Variants in THOP1 observed in about 807,000 individuals in gnomAD.
THOP1 encodes the protein thimet oligopeptidase.
In THOP1, 49 loss-of-function variants were observed where a neutral mutation model predicts 71.8. The ratio of observed to expected loss-of-function variants is 0.68; its 90% confidence interval spans 0.54 to 0.87. The LOEUF (loss-of-function observed/expected upper bound fraction) is 0.87. THOP1 is among the 40% of genes least tolerant of loss of function. The pLI is 0.00. For synonymous variants in THOP1, 426 were observed against 421.5 expected (o/e 1.01, Z -0.13); for missense variants, 843 against 975.6 (o/e 0.86, Z 1.81).
rs1315465324 is a variant in THOP1 at position 2,804,526 on chromosome 19, C to G, written c.590-490C>G. The stretch of plus-strand genomic sequence containing the variant: ...CCTCTCCACGTGGGGCCTCCCTCTC[C>G]GCCCAGGGCCCAGCGTGCTCAGCTC... On this transcript the variant is annotated intron_variant, in intron 5 of 12. Transcript: ENST00000307741. The surrounding 1 kb of genome is among the most constrained non-coding windows in gnomAD (Gnocchi z 4.7). The G allele has an allele frequency of 6.5e-6, 1 of 154,122 alleles. No individual in the cohort carries two copies. Among genetic ancestry groups the G allele is most frequent in the Admixed American group, 6.5e-5 (1 of 15,456 alleles). 9.5% of individuals were successfully genotyped at this position (154,122 alleles called of 1,614,324 possible). A position where few individuals can be genotyped will look rare whatever the true frequency, so the allele number is the denominator to read the frequency against.
chr19:2,805,168 T>A lies in THOP1; in HGVS notation c.742T>A (p.Cys248Ser), dbSNP rs574104983. 1 of 1,611,652 alleles carries A rather than the reference T, an allele frequency of 6.2e-7. No homozygotes were observed. The highest frequency in any genetic ancestry group is 2.2e-5 in the East Asian group (1 of 44,850). ...AGTGGAGGAGGCCTTCAACTGCCGG[T>A]GCAAGGAGGTGAGAAGGCACGGCCA... ...RKVEEAFNCR[C>S]KEENCAILKE... The change falls in exon 6 of 13, where the codon TGC (cysteine) becomes AGC (serine). Residue 248 changes from cysteine (C) to serine (S), a missense_variant. Transcript: ENST00000307741. The surrounding 1 kb of genome is among the most constrained non-coding windows in gnomAD (Gnocchi z 6.6).
chr19:2,810,571 G>A, intron 10 of THOP1, 69 bp from the exon 11 acceptor site: 1 of 1,526,916 alleles, frequency 6.5e-7, no homozygotes, highest in South Asian at 1.2e-5. Flanking sequence ...CCCGGGTGGG[G>A]GTCGGAGCTC....
chr19:2,785,706 G>C, intron 1 of THOP1, 28 bp downstream of exon 1: 1 of 1,430,972 alleles, frequency 7.0e-7, no homozygotes, highest in South Asian at 1.6e-5. Context: ...CGCCGGACCC[G>C]GGCGTCCCCT....
In THOP1 at chr19:2,807,653, G is replaced by T. The variant is rs1022377947; in HGVS notation, c.1098G>T (p.Thr366=). ...AGTACTTCCCCGTGCAGGTGGTCAC[G>T]CACGGGCTGCTGGGCATCTACCAGG... ...LKEYFPVQVV[T]HGLLGIYQEL... Residue 366 remains threonine (T), a synonymous_variant, in exon 8 of 13, where the codon ACG becomes ACT. Transcript: ENST00000307741. 3 of 1,608,984 alleles carry T rather than the reference G, an allele frequency of 1.9e-6. No homozygotes were observed. The highest frequency in any genetic ancestry group is 2.7e-5 in the African/African-American group (2 of 74,858).
intron 4 of THOP1, 131 bp from the exon 5 acceptor site, chr19:2,799,558 G>T: frequency 1.4e-6 from 1 of 689,862 alleles, no homozygotes; most frequent in South Asian, 1.7e-5. Context: ...TTCCTCCTCG[G>T]TTGCCTCTTC....
At chr19:2,802,539 A>ACACCTTCCGACACCCC (rs1916179405) in intron 5 of THOP1, among the ~76,000 whole-genome samples, 1 of 76,888 alleles carries the variant, frequency 1.3e-5, no homozygotes, top group African/African-American at 5.6e-5. Flanking sequence ...CCCGACACCA[A>ACACCTTCCGACACCCC]CACCTCCCGA....
Position 2,799,825 on chromosome 19 carries a change from C to T in THOP1, c.589+34C>T, listed in dbSNP as rs202065240. 1.6e-5 allele frequency: 25 copies of T among 1,581,578 alleles called. No homozygotes were observed. The African/African-American group carries it at 1.8e-4, about 11-fold the overall frequency. ...CGAGCAGTGGGGCACGGGTGGCCAT[C>T]GGTCCTGGGACTCAGTGCAGGCCTG... On this transcript the variant is annotated intron_variant, in intron 5 of 12. Coordinates refer to ENST00000307741, the MANE Select transcript of THOP1 (RefSeq NM_003249.5).
At chr19:2,795,624 C>T (rs774865852) in intron 3 of THOP1, among the ~76,000 whole-genome samples, 1 of 152,224 alleles carries the variant, frequency 6.6e-6, no homozygotes, top group Non-Finnish European at 1.5e-5. Flanking sequence ...CAACGTTGCC[C>T]ACGCTTGTCT....
chr19:2,811,703 G>A lies in THOP1; in HGVS notation c.1877G>A (p.Arg626His), dbSNP rs372729243. 5.6e-6 allele frequency: 9 copies of A among 1,613,278 alleles called. No homozygotes were observed. The highest frequency in any genetic ancestry group is 3.3e-5 in the Admixed American group (2 of 59,980). ...EVYSMDMFHT[R>H]FKQEGVLNSK... ...TATTCCATGGACATGTTCCACACGC[G>A]CTTCAAGCAGGAGGGTGTCCTGAAC... The change falls in exon 12 of 13, where the codon CGC becomes CAC. Residue 626 changes from arginine (R) to histidine (H), a missense_variant. Coordinates refer to ENST00000307741, the MANE Select transcript of THOP1 (RefSeq NM_003249.5).
intron 5 of THOP1, among the ~76,000 whole-genome samples, chr19:2,803,621 A>G (rs151305293): frequency 1.3e-5 from 2 of 152,220 alleles, no homozygotes; most frequent in East Asian, 3.9e-4. Context: ...CACTGTCGAG[A>G]TGGAGAGCTG....
chr19:2,790,719 G>A (rs1037746671), intron 2 of THOP1, 86 bp downstream of exon 2: 21 of 1,284,978 alleles, frequency 1.6e-5, no homozygotes, highest in East Asian at 2.6e-5. Flanking sequence ...CCGTGGAGCC[G>A]GTTCAGAACC....
At chr19:2,795,981 C>T in intron 3 of THOP1, 100 bp from the exon 4 acceptor site, 1 of 861,444 alleles carries the variant, frequency 1.2e-6, no homozygotes, top group Non-Finnish European at 1.9e-6. Context: ...TGCCAAGTCA[C>T]ACGGGGGCCG....
In THOP1 at chr19:2,804,234, C is replaced by A. The variant is rs574896384; in HGVS notation, c.590-782C>A. ...AGGGTTTCAGTCCGGGATGCTGCCG[C>A]CCCCACTTCTCTTGAGGCTGTCGGG... On this transcript the variant is annotated intron_variant, in intron 5 of 12. Coordinates refer to ENST00000307741, the MANE Select transcript of THOP1 (RefSeq NM_003249.5). The surrounding 1 kb of genome is among the most constrained non-coding windows in gnomAD (Gnocchi z 4.7). Among the ~76,000 whole-genome samples, 2 of 152,336 alleles carry A rather than the reference C, an allele frequency of 1.3e-5. No homozygotes were observed. Among genetic ancestry groups the A allele is most frequent in the South Asian group, 4.1e-4 (2 of 4,826 alleles).
Position 2,808,449 on chromosome 19 carries a change from G to T in THOP1, c.1455+5G>T, listed in dbSNP as rs1300721390. 6 of 1,592,714 alleles carry T rather than the reference G, an allele frequency of 3.8e-6. No homozygotes were observed. Among genetic ancestry groups the T allele is most frequent in the Admixed American group, 1.7e-5 (1 of 58,938 alleles). On this transcript the variant is annotated splice_donor_5th_base_variant and intron_variant, in intron 9 of 12. Transcript: ENST00000307741. ...ATGCACCAGCTCTGCTCCCAGGTGG[G>T]TGCGGGCCCGGGCAGGGGCAGGGGC...
chr19:2,805,280 C>G lies in THOP1; in HGVS notation c.750+104C>G. 3 of 1,344,590 alleles carry G rather than the reference C, an allele frequency of 2.2e-6. No individual in the cohort carries two copies. The highest frequency in any genetic ancestry group is 3.0e-6 in the Non-Finnish European group (3 of 1,003,994). The allele number at this position is 1,344,590 out of a possible 1,614,324, so 83.3% of individuals were successfully genotyped here. A position where few individuals can be genotyped will look rare whatever the true frequency, so the allele number is the denominator to read the frequency against. On this transcript the variant is annotated intron_variant, in intron 6 of 12. Transcript: ENST00000307741. The surrounding 1 kb of genome is among the most constrained non-coding windows in gnomAD (Gnocchi z 6.6). ...ACCTCCAGGCTTTGCACTTGGATGGCCTCCCAATCTCCCTGGCCAGGCCCA... is the reference window on the plus strand; with the variant it reads ...ACCTCCAGGCTTTGCACTTGGATGGGCTCCCAATCTCCCTGGCCAGGCCCA...
intron 1 of THOP1, among the ~76,000 whole-genome samples, chr19:2,788,944 A>G (rs1915812137): frequency 6.6e-6 from 1 of 152,098 alleles, no homozygotes; most frequent in Non-Finnish European, 1.5e-5. Flanking sequence ...TATTTTTAGT[A>G]GAGACGGGGT....
chr19:2,797,280 T>C (rs1309265495), intron 4 of THOP1, among the ~76,000 whole-genome samples: 2 of 152,056 alleles, frequency 1.3e-5, no homozygotes. Flanking sequence ...GACTAGTTGA[T>C]TTGCACGTGA....
At position 2,815,125 on chromosome 19, in the gene THOP1, G is replaced by A. The variant is rs1394769537; in HGVS notation, c.*1849G>A. ...CTGGAAGGCAAAGCCGACCGCACTG[G>A]GCAGAGGTGGAGATGGCAAGTCTGG... On this transcript the variant is annotated 3_prime_UTR_variant, in exon 13 of 13. Coordinates refer to ENST00000307741, the MANE Select transcript of THOP1 (RefSeq NM_003249.5). The A allele has an allele frequency of 6.6e-6, 1 of 152,268 alleles. No individual in the cohort carries two copies. Among genetic ancestry groups the A allele is most frequent in the Non-Finnish European group, 1.5e-5 (1 of 68,064 alleles). 9.4% of individuals were successfully genotyped at this position (152,268 alleles called of 1,614,324 possible).
intron 9 of THOP1, among the ~76,000 whole-genome samples, chr19:2,808,782 T>C (rs954385869): frequency 6.6e-6 from 1 of 152,222 alleles, no homozygotes; most frequent in African/African-American, 2.4e-5. Context: ...CATGTGGTCG[T>C]CCTTCTGTGT....
Sources: allele counts gnomAD v4.1 joint callset (sites outside exome capture counted in the v4.1 genomes callset), GRCh38; gene constraint gnomAD v4.1.1; non-coding constraint Gnocchi (gnomAD v3.1); transcripts MANE v1.5; gene names NCBI Gene and HGNC (gene_info 2026-07-23, HGNC 2026-07-21).